Variants in PCDHA7 observed in about 807,000 individuals in gnomAD.
PCDHA7 encodes the protein protocadherin alpha-7.
Under a neutral mutation model 57.2 loss-of-function variants are expected in PCDHA7, and 37 were observed. The ratio of observed to expected loss-of-function variants is 0.65; its 90% CI spans 0.50 to 0.85. The LOEUF is 0.85. Among genes scored for constraint, PCDHA7 ranks in the 40% least tolerant of loss-of-function variants. The pLI is 0.00. For synonymous variants in PCDHA7, 553 were observed against 558.8 expected, an observed-to-expected ratio of 0.99 and a Z score of 0.15; for missense variants, 1,188 against 1,241.8, an observed-to-expected ratio of 0.96 and a Z score of 0.65.
At chr5:140,851,384 C>T (rs1414767152) in intron 1 of PCDHA7, 1 of 975,562 alleles carries the variant, frequency 1.0e-6, no homozygotes, top group East Asian at 1.1e-4. Flanking sequence ...CAGCAACCTT[C>T]AGTATCTATT....
At chr5:140,854,796 A>G (rs1379187736) in intron 1 of PCDHA7, 2 of 149,770 alleles carry the variant, frequency 1.3e-5, no homozygotes, top group African/African-American at 4.9e-5. Flanking sequence ...TTGAGAGAGA[A>G]AAAAATATTT....
intron 1 of PCDHA7, among the ~76,000 whole-genome samples, chr5:140,901,961 C>T (rs62384485): frequency 2.0e-5 from 3 of 151,946 alleles, no homozygotes; most frequent in Non-Finnish European, 2.9e-5. Flanking sequence ...TCGTGGCTAT[C>T]GTAAATGGGA....
In PCDHA7 at chr5:140,843,766, GT is replaced by G. The variant is rs2150366471; in HGVS notation, c.2355+7030del. ...ATAAATTCTATTTGTGGAAATTGTA[GT>G]TACTTTAAAAGTGTTTCAGATTTAG... On this transcript the variant is annotated intron_variant, in intron 1 of 3. Coordinates refer to ENST00000525929, the MANE Select transcript of PCDHA7 (RefSeq NM_018910.3). 2.9e-5 allele frequency: 43 copies of G among 1,487,836 alleles called. 4 individuals carry two copies. Among genetic ancestry groups the G allele is most frequent in the Non-Finnish European group, 3.7e-5 (40 of 1,082,784 alleles). 92.2% of individuals were successfully genotyped at this position (1,487,836 alleles called of 1,614,324 possible). A position where few individuals can be genotyped will look rare whatever the true frequency, so the allele number is the denominator to read the frequency against.
chr5:140,870,017 G>T, intron 1 of PCDHA7: 1 of 1,613,620 alleles, frequency 6.2e-7, no homozygotes, highest in Non-Finnish European at 8.5e-7. Flanking sequence ...AGGGTCAATG[G>T]AACTTTAGAT....
intron 1 of PCDHA7, chr5:140,969,368 G>A: frequency 6.2e-7 from 1 of 1,608,874 alleles, no homozygotes; most frequent in Non-Finnish European, 8.5e-7. Flanking sequence ...ACAAACTCAT[G>A]CATTTGTTAC....
chr5:140,852,717 C>T lies in PCDHA7; in HGVS notation c.2355+15979C>T, dbSNP rs2042449102. ...ACTTTCAAGTATCTTTGTCTTTGCA[C>T]GTTTTTCAAGTTTCATGTGCCATTT... is the stretch of plus-strand genomic sequence containing the variant. On this transcript the variant is annotated intron_variant, in intron 1 of 3. Transcript: ENST00000525929. 6 of 981,714 alleles carry T rather than the reference C, an allele frequency of 6.1e-6. 2 individuals carry two copies. Among genetic ancestry groups the T allele is most frequent in the Non-Finnish European group, 7.4e-6 (6 of 814,360 alleles). 60.8% of individuals were successfully genotyped at this position (981,714 alleles called of 1,614,324 possible).
chr5:140,987,999 C>T (rs543796200), intron 3 of PCDHA7, among the ~76,000 whole-genome samples: 3 of 152,292 alleles, frequency 2.0e-5, no homozygotes, highest in African/African-American at 7.2e-5. Context: ...TCTGATCCTT[C>T]CCCAGAAAGA....
At position 140,966,655 on chromosome 5, in the gene PCDHA7, G is replaced by T. The variant is rs576875582; in HGVS notation, c.2356-12294G>T. The T allele has an allele frequency of 2.6e-5, 31 of 1,195,250 alleles. No homozygotes were observed. In the South Asian group the frequency reaches 4.0e-4, roughly 15 times the overall value. 74.0% of individuals were successfully genotyped at this position (1,195,250 alleles called of 1,614,324 possible). On this transcript the variant is annotated intron_variant, in intron 1 of 3. Coordinates refer to ENST00000525929, the MANE Select transcript of PCDHA7 (RefSeq NM_018910.3). ...AGGCGCTTTCTAGAGCGTGAGCGGT[G>T]GGGGAGCAGGCGCAGGGTGGCACGA...
At chr5:140,992,201 CAG>C (rs1587495213) in intron 3 of PCDHA7, among the ~76,000 whole-genome samples, 1 of 152,256 alleles carries the variant, frequency 6.6e-6, no homozygotes, top group East Asian at 1.9e-4. Context: ...TCTATCCAAT[CAG>C]ATAAACTACT....
intron 1 of PCDHA7, among the ~76,000 whole-genome samples, chr5:140,890,624 T>C (rs1487627842): frequency 6.6e-6 from 1 of 152,202 alleles, no homozygotes; most frequent in Non-Finnish European, 1.5e-5. Context: ...CCTAGAAAAT[T>C]AAGCATGTAT....
chr5:140,977,890 A>C (rs1554238866), intron 1 of PCDHA7, among the ~76,000 whole-genome samples: 3 of 152,234 alleles, frequency 2.0e-5, no homozygotes, highest in Non-Finnish European at 4.4e-5. Flanking sequence ...AGGAAAATAC[A>C]AAATACAACT....
intron 1 of PCDHA7, among the ~76,000 whole-genome samples, chr5:140,889,098 T>C (rs1252119447): frequency 6.6e-6 from 1 of 152,012 alleles, no homozygotes; most frequent in African/African-American, 2.4e-5. Flanking sequence ...AACAATTTTT[T>C]CATCTTTATT....
chr5:140,865,144 T>G (rs2048753153), intron 1 of PCDHA7: 1 of 152,224 alleles, frequency 6.6e-6, no homozygotes, highest in East Asian at 1.9e-4. Context: ...AATTTAACAT[T>G]GTATACTTTT....
rs552289184 is a variant in PCDHA7, at chr5:140,942,884, T to C, written c.2356-36065T>C. 7.9e-5 allele frequency among the ~76,000 whole-genome samples: 12 copies of C among 152,178 alleles called. No individual in the cohort carries two copies. In the East Asian group the frequency reaches 2.3e-3, roughly 29 times the overall value. ...TGCTTTAGCATGACAACTTTTTTCC[T>C]AAAATTTATCTCTAAGAATAAGCGT... On this transcript the variant is annotated intron_variant, in intron 1 of 3. Transcript: ENST00000525929.
rs1038789772 is a variant in PCDHA7, at chr5:140,894,031, G to C, written c.2355+57293G>C. On this transcript the variant is annotated intron_variant, in intron 1 of 3. Transcript: ENST00000525929. ...TTCAAATTACCAGTTCTGCATACTG[G>C]TAATGTAAGTCCTCTGTTGAATTGA... Among the ~76,000 whole-genome samples, 3 of 152,204 alleles carry C rather than the reference G, an allele frequency of 2.0e-5. No homozygotes were observed. In the South Asian group the frequency reaches 6.2e-4, roughly 32 times the overall value.
At chr5:140,876,135 A>T (rs782217370) in intron 1 of PCDHA7, 2 of 1,613,954 alleles carry the variant, frequency 1.2e-6, no homozygotes, top group Admixed American at 3.3e-5. Context: ...GTAAACCAGA[A>T]CTAACAGGGT....
At chr5:140,928,836 C>T (rs1554206380) in intron 1 of PCDHA7, 1 of 1,614,168 alleles carries the variant, frequency 6.2e-7, no homozygotes. Context: ...CACTTTCCTC[C>T]TCTGTCACTC....
At chr5:140,859,799 T>C (rs2046021191) in intron 1 of PCDHA7, 1 of 152,502 alleles carries the variant, frequency 6.6e-6, no homozygotes. Flanking sequence ...AAATTATAGA[T>C]GCTAAGTTAA....
rs149764673 is a variant in PCDHA7 at position 140,835,585 on chromosome 5, T to A, written c.1202T>A (p.Phe401Tyr). 1.9e-6 allele frequency: 3 copies of A among 1,613,790 alleles called. No individual in the cohort carries two copies. The highest frequency in any genetic ancestry group is 1.3e-5 in the African/African-American group (1 of 74,926). Residue 401 changes from phenylalanine to tyrosine, a missense_variant, in exon 1 of 4, where the codon TTC becomes TAC. Physicochemically the swap from Phe to Tyr is conservative, Grantham distance 22. This residue lies in a region of PCDHA7 where 892 missense variants were observed against 788.5 expected (regional missense o/e 1.13). Transcript: ENST00000525929. The part of the protein sequence containing the change: ...PRVPFKLVST[F>Y]KNYYSLVLDS... ...GTTCCCTTCAAGTTGGTGTCCACCT[T>A]CAAGAATTACTATTCATTGGTGCTG...
Sources: allele counts gnomAD v4.1 joint callset (sites outside exome capture counted in the v4.1 genomes callset), GRCh38; gene constraint gnomAD v4.1.1; regional missense constraint gnomAD v4.1.1; transcripts MANE v1.5; gene names NCBI Gene and HGNC (gene_info 2026-07-23, HGNC 2026-07-21).